The following ERBB4 variants were observed in gnomAD, a reference collection of about 807,000 sequenced individuals.
ERBB4 encodes receptor tyrosine-protein kinase erbB-4.
In ERBB4, 42 loss-of-function variants were observed where a neutral mutation model predicts 158.0. The observed-to-expected ratio is 0.27, with a 90% CI of 0.21 to 0.34. ERBB4 has a LOEUF of 0.34. Ranked by LOEUF, ERBB4 falls within the 10% of genes least tolerant of loss-of-function variation. The probability of loss-of-function intolerance (pLI) is 1.00; values close to 1 mark genes in which losing one functional copy is unlikely to be tolerated. For synonymous variants in ERBB4, 583 were observed against 558.7 expected (o/e 1.04, Z -0.61); for missense variants, 1,333 against 1,624.1 (o/e 0.82, Z 3.08).
chr2:212,352,922 A>G (rs989819717), intron 1 of ERBB4, among the ~76,000 whole-genome samples: 3 of 152,106 alleles, frequency 2.0e-5, no homozygotes. Flanking sequence ...AATTTACTTT[A>G]ACAGTAGCAC....
At chr2:212,380,239 A>G (rs978582772) in intron 1 of ERBB4, among the ~76,000 whole-genome samples, 3 of 151,440 alleles carry the variant, frequency 2.0e-5, no homozygotes, top group African/African-American at 7.2e-5. Context: ...TGTACTGAAT[A>G]TGTACAGTCT....
intron 1 of ERBB4, among the ~76,000 whole-genome samples, chr2:212,431,139 G>A (rs1197391811): frequency 6.6e-6 from 1 of 151,344 alleles, no homozygotes; most frequent in Non-Finnish European, 1.5e-5. Flanking sequence ...ATATCCAGGA[G>A]GACGAATGCT....
chr2:211,465,128 T>C (rs1048761130), intron 20 of ERBB4, among the ~76,000 whole-genome samples: 24 of 152,160 alleles, frequency 1.6e-4, no homozygotes, highest in African/African-American at 4.3e-4. Flanking sequence ...ATTACAGGCA[T>C]GAGCCACCAC....
At chr2:212,132,159 G>T (rs2080124202) in intron 1 of ERBB4, among the ~76,000 whole-genome samples, 1 of 152,108 alleles carries the variant, frequency 6.6e-6, no homozygotes, top group Non-Finnish European at 1.5e-5. Flanking sequence ...CATCAAAAAA[G>T]ACTTCACTTT....
chr2:211,867,199 T>A (rs752293432), intron 3 of ERBB4, among the ~76,000 whole-genome samples: 4 of 152,170 alleles, frequency 2.6e-5, no homozygotes, highest in Non-Finnish European at 5.9e-5. Flanking sequence ...GAAGGATAAG[T>A]CAATGTAGTT....
At chr2:211,508,434 TCACA>T (rs750834337) in intron 20 of ERBB4, among the ~76,000 whole-genome samples, 12 of 152,178 alleles carry the variant, frequency 7.9e-5, no homozygotes, top group Non-Finnish European at 1.5e-4. Flanking sequence ...AGATACCATC[TCACA>T]CCAGTTAGAA....
At chr2:211,660,483 G>A (rs2071381850) in intron 15 of ERBB4, among the ~76,000 whole-genome samples, 1 of 152,206 alleles carries the variant, frequency 6.6e-6, no homozygotes, top group Non-Finnish European at 1.5e-5. Context: ...GCTAATAGTG[G>A]TACTATCCTT....
chr2:212,015,972 CTAAA>C (rs145888384), intron 2 of ERBB4, among the ~76,000 whole-genome samples: 4,087 of 151,412 alleles, frequency 0.027, 174 homozygotes, highest in African/African-American at 0.095. Context: ...AGAGCATTCC[CTAAA>C]TAAAGAGAAA....
intron 2 of ERBB4, among the ~76,000 whole-genome samples, chr2:212,009,249 A>G (rs576471206): frequency 6.6e-6 from 1 of 152,212 alleles, no homozygotes; most frequent in East Asian, 1.9e-4. Flanking sequence ...AAGGATGTTA[A>G]GATGAAATCA....
At chr2:211,713,711 A>C in intron 7 of ERBB4, 63 bp from the exon 8 acceptor site, 1 of 974,666 alleles carries the variant, frequency 1.0e-6, no homozygotes, top group Non-Finnish European at 1.6e-6. Flanking sequence ...AACAAGCTCA[A>C]AACAAGATAT....
chr2:212,247,730 G>C (rs1031060362), intron 1 of ERBB4, among the ~76,000 whole-genome samples: 1 of 152,142 alleles, frequency 6.6e-6, no homozygotes, highest in African/African-American at 2.4e-5. Flanking sequence ...CTGGGAGGCC[G>C]AGGCAGACAG....
chr2:212,330,216 C>G (rs900822986), intron 1 of ERBB4, among the ~76,000 whole-genome samples: 15 of 75,166 alleles, frequency 2.0e-4, no homozygotes, highest in Non-Finnish European at 3.7e-4. Flanking sequence ...TGTGCTGTAT[C>G]TGTGTTTTTT....
chr2:212,066,501 T>A (rs1170865806), intron 2 of ERBB4, among the ~76,000 whole-genome samples: 2 of 152,026 alleles, frequency 1.3e-5, no homozygotes, highest in Non-Finnish European at 2.9e-5. Context: ...TAAGAAATGA[T>A]GTTTGAAACT....
intron 3 of ERBB4, among the ~76,000 whole-genome samples, chr2:211,875,266 C>A (rs2106128544): frequency 6.6e-6 from 1 of 152,034 alleles, no homozygotes; most frequent in African/African-American, 2.4e-5. Context: ...CATTTAATTA[C>A]CTAGAAAATT....
chr2:212,413,792 A>G (rs2091573159), intron 1 of ERBB4, among the ~76,000 whole-genome samples: 1 of 152,216 alleles, frequency 6.6e-6, no homozygotes. Flanking sequence ...ACACATGTGC[A>G]TTATAAAAAG....
chr2:211,605,519 T>G lies in ERBB4; in HGVS notation c.2301+13658A>C, dbSNP rs187239750. 1.6e-3 allele frequency among the ~76,000 whole-genome samples: 250 copies of G among 152,206 alleles called. 7 individuals are homozygous for G. The highest frequency in any genetic ancestry group is 0.016 in the Admixed American group (245 of 15,270). ...GTCTTGGTATATGTCCTGGAATTTA[T>G]TTACCCCTAAGAGAGCTTACAGACA... On this transcript the variant is annotated intron_variant, in intron 19 of 27. Transcript: ENST00000342788.
chr2:211,977,530 T>TAAAAA (rs1394107563), intron 2 of ERBB4, among the ~76,000 whole-genome samples: 10 of 6,682 alleles, frequency 1.5e-3, no homozygotes, highest in Non-Finnish European at 2.3e-3. Context: ...GATATTGACT[T>TAAAAA]TAAAAAAAAA....
rs769953420 is a variant in ERBB4 at position 211,658,031 on chromosome 2, A to G, written c.1872-203T>C. 8.7e-6 allele frequency: 13 copies of G among 1,491,826 alleles called. No individual in the cohort carries two copies. The South Asian group carries it at 9.1e-5, about 10-fold the overall frequency. 92.4% of individuals were successfully genotyped at this position (1,491,826 alleles called of 1,614,324 possible). A position where few individuals can be genotyped will look rare whatever the true frequency, so the allele number is the denominator to read the frequency against. ...GCAAATTTAAAAAAATACAAGGGGA[A>G]AAAATTAGTCATTTAAAAAATCAGT... On this transcript the variant is annotated intron_variant, in intron 15 of 27. Coordinates refer to ENST00000342788, the MANE Select transcript of ERBB4 (RefSeq NM_005235.3).
intron 2 of ERBB4, among the ~76,000 whole-genome samples, chr2:211,964,252 T>C (rs1023832519): frequency 2.8e-4 from 42 of 152,158 alleles, no homozygotes; most frequent in African/African-American, 9.4e-4. Context: ...TGAATGGGGA[T>C]ATTGACTTCT....
Sources: gnomAD v4.1 joint callset for allele counts (sites outside exome capture counted in the v4.1 genomes callset) on GRCh38, gnomAD v4.1.1 for gene constraint, MANE v1.5 for transcripts, NCBI Gene and HGNC (gene_info 2026-07-23, HGNC 2026-07-21) for gene names.